GRAMD1A: variants seen among roughly 807,000 people sequenced by gnomAD.
GRAMD1A encodes the protein GRAM domain containing 1A.
In GRAMD1A, 50 loss-of-function variants were observed where a neutral mutation model predicts 92.0. The observed-to-expected ratio is 0.54, with a 90% CI of 0.43 to 0.69. GRAMD1A has a LOEUF of 0.69. Among genes scored for constraint, GRAMD1A ranks in the 30% least tolerant of loss-of-function variants. The probability of loss-of-function intolerance (pLI) is 0.00; values close to 1 mark genes in which losing one functional copy is unlikely to be tolerated. For synonymous variants in GRAMD1A, 405 were observed against 403.6 expected (o/e 1.00, Z -0.04); for missense variants, 819 against 978.9 (o/e 0.84, Z 2.18).
chr19:35,023,522 G>C lies in GRAMD1A; in HGVS notation c.2057G>C (p.Arg686Pro). 6.3e-7 allele frequency: 1 copy of C among 1,579,554 alleles called. No homozygotes were observed. The highest frequency in any genetic ancestry group is 8.6e-7 in the Non-Finnish European group (1 of 1,166,056). The change falls in exon 19 of 20, where the codon CGG becomes CCG. Residue 686 changes from arginine to proline, a missense_variant. This residue lies in a region of GRAMD1A where 577 missense variants were observed against 674.6 expected (regional missense o/e 0.86). Coordinates refer to ENST00000317991, the MANE Select transcript of GRAMD1A (RefSeq NM_020895.5). ...GTGCACAAGTGGAGGCAGATCCTGC[G>C]GGCCTCCGTGGAGCTCCTGGATGAG... ...VEVHKWRQIL[R>P]ASVELLDEMK...
In GRAMD1A at chr19:35,023,421, C is replaced by G. The variant is rs756778544; in HGVS notation, c.1962-6C>G. 6.3e-7 allele frequency: 1 copy of G among 1,595,332 alleles called. No homozygotes were observed. The highest frequency in any genetic ancestry group is 1.1e-5 in the South Asian group (1 of 89,888). Reference sequence around the variant, plus strand: ...AAGGCCCTGCTCAGGCCTGGCATCCCCACAGCAAGTTCCCCCAGACGGCCA... The same window carrying G: ...AAGGCCCTGCTCAGGCCTGGCATCCGCACAGCAAGTTCCCCCAGACGGCCA... On this transcript the variant is annotated splice_polypyrimidine_tract_variant and splice_region_variant and intron_variant, in intron 18 of 19. Transcript: ENST00000317991.
intron 6 of GRAMD1A, chr19:35,010,711 G>A (rs1013657837): frequency 3.7e-6 from 2 of 538,018 alleles, no homozygotes; most frequent in Non-Finnish European, 6.5e-6. Flanking sequence ...ATGTCCGTTG[G>A]TTGCAAGATG....
chr19:35,016,119 A>G, intron 11 of GRAMD1A, 152 bp downstream of exon 11: 2 of 776,342 alleles, frequency 2.6e-6, no homozygotes, highest in Non-Finnish European at 4.1e-6. Flanking sequence ...CAGCTCTGCC[A>G]CTTACTAGCT....
rs915593546 is a variant in GRAMD1A, at chr19:35,014,396, G to A, written c.1069+9G>A. 7 of 1,612,704 alleles carry A rather than the reference G, an allele frequency of 4.3e-6. No homozygotes were observed. The highest frequency in any genetic ancestry group is 5.9e-6 in the Non-Finnish European group (7 of 1,178,880). On this transcript the variant is annotated intron_variant, in intron 10 of 19. Transcript: ENST00000317991. The stretch of plus-strand genomic sequence containing the variant: ...ATCCACTGGGGAGGAAGGTGAGGCA[G>A]GCGGGCCCAATTCATTCGCCTCCGG...
At chr19:34,995,570 G>GTTTTTTTTTTTTT (rs1173583059), upstream of GRAMD1A, among the ~76,000 whole-genome samples, 30 of 80,982 alleles carry the variant, frequency 3.7e-4, 7 homozygotes, top group Middle Eastern at 0.016. Flanking sequence ...TCAGATCACG[G>GTTTTTTTTTTTTT]GTTTTTTTTT....
In GRAMD1A at chr19:35,022,583, G is replaced by A. The variant is rs959495207; in HGVS notation, c.1842-317G>A. ...GCCAGAGGGGGCAGTCAGGATGGGC[G>A]TCCTGAGAGAGTGGAGACCGCGTAG... On this transcript the variant is annotated intron_variant, in intron 16 of 19. Transcript: ENST00000317991. Among the ~76,000 whole-genome samples the A allele has an allele frequency of 1.9e-4, 20 of 104,224 alleles. No individual in the cohort carries two copies. In the East Asian group the frequency reaches 3.2e-3, roughly 17 times the overall value. The allele number at this position is 104,224 out of a possible 152,430, so 68.4% of individuals were successfully genotyped here. A position where few individuals can be genotyped will look rare whatever the true frequency, so the allele number is the denominator to read the frequency against.
rs1169351041 is a variant in GRAMD1A at position 35,011,505 on chromosome 19, G to A, written c.557G>A (p.Arg186His). The A allele has an allele frequency of 1.9e-6, 3 of 1,611,250 alleles. No homozygotes were observed. The highest frequency in any genetic ancestry group is 1.1e-5 in the South Asian group (1 of 91,072). Reference sequence around the variant, plus strand: ...TTCACTTCCTTTGGGGCCCGTGACCGCTGCTTCCTCCTCATCTTCCGCCTC... The same window carrying A: ...TTCACTTCCTTTGGGGCCCGTGACCACTGCTTCCTCCTCATCTTCCGCCTC... The part of the protein sequence containing the change: ...HFFTSFGARD[R>H]CFLLIFRLWQ... Residue 186 changes from arginine to histidine, a missense_variant, in exon 7 of 20, where the codon CGC (arginine) becomes CAC (histidine). By Grantham distance (29) the Arg-to-His change is conservative. This residue lies in a region of GRAMD1A where 144 missense variants were observed against 220.3 expected (regional missense o/e 0.65). Coordinates refer to ENST00000317991, the MANE Select transcript of GRAMD1A (RefSeq NM_020895.5).
chr19:35,018,963 C>G (rs918458067), intron 11 of GRAMD1A, among the ~76,000 whole-genome samples: 2 of 151,884 alleles, frequency 1.3e-5, no homozygotes, highest in Admixed American at 1.3e-4. Flanking sequence ...ATGCTCAGGG[C>G]AGAAGCCAAG....
Position 35,019,212 on chromosome 19 carries a change from G to T in GRAMD1A, c.1235G>T (p.Ser412Ile). Residue 412 changes from serine (S) to isoleucine (I), a missense_variant, in exon 12 of 20, where the codon AGT becomes ATT. Coordinates refer to ENST00000317991, the MANE Select transcript of GRAMD1A (RefSeq NM_020895.5). The part of the protein sequence containing the change: ...KFTDVTLSPW[S>I]GDSKCHQRRV... ...CTAGACGTGACGCTGAGCCCCTGGA[G>T]TGGGGACAGCAAGTGCCACCAGCGC... 6.2e-7 allele frequency: 1 copy of T among 1,611,974 alleles called. No homozygotes were observed. Among genetic ancestry groups the T allele is most frequent in the Non-Finnish European group, 8.5e-7 (1 of 1,178,354 alleles).
chr19:35,020,494 G>T (rs1406597712), intron 13 of GRAMD1A, among the ~76,000 whole-genome samples: 1 of 151,714 alleles, frequency 6.6e-6, no homozygotes, highest in Non-Finnish European at 1.5e-5. Context: ...GCCGAGATCG[G>T]GCCACTGCAC....
intron 1 of GRAMD1A, among the ~76,000 whole-genome samples, chr19:35,006,694 T>C (rs2014843327): frequency 6.6e-6 from 1 of 152,208 alleles, no homozygotes; most frequent in African/African-American, 2.4e-5. Context: ...AGATTATTCA[T>C]TTAGCCTCTG....
Position 35,022,126 on chromosome 19 carries a change from C to T in GRAMD1A, c.1841+88C>T, listed in dbSNP as rs946865317. Reference sequence around the variant, plus strand: ...TGGGCAAGTGTGTGGCCTCTTTGAGCTCTCTGCTTAAGTGGGAGCGTGGGT... The same window carrying T: ...TGGGCAAGTGTGTGGCCTCTTTGAGTTCTCTGCTTAAGTGGGAGCGTGGGT... On this transcript the variant is annotated intron_variant, in intron 16 of 19. Coordinates refer to ENST00000317991, the MANE Select transcript of GRAMD1A (RefSeq NM_020895.5). 20 of 901,648 alleles carry T rather than the reference C, an allele frequency of 2.2e-5. No homozygotes were observed. In the Admixed American group the frequency reaches 3.7e-4, roughly 16 times the overall value. The allele number at this position is 901,648 out of a possible 1,614,324, so 55.9% of individuals were successfully genotyped here.
At chr19:35,026,000 C>G (rs763415112) in intron 19 of GRAMD1A, 49 bp from the exon 20 acceptor site, 5 of 935,878 alleles carry the variant, frequency 5.3e-6, no homozygotes, top group Non-Finnish European at 8.9e-6. Context: ...CGACATCACC[C>G]CCCAGCCTCC....
chr19:35,005,969 G>A (rs1458102063), intron 1 of GRAMD1A: 2 of 456,216 alleles, frequency 4.4e-6, no homozygotes, highest in Admixed American at 4.7e-5. Context: ...AGGTGGTGGA[G>A]GGAATCCCAC....
At position 35,021,582 on chromosome 19, in the gene GRAMD1A, T is replaced by C. The variant is rs1391711904; in HGVS notation, c.1556T>C (p.Ile519Thr). Residue 519 changes from isoleucine to threonine, a missense_variant, in exon 14 of 20, where the codon ATT becomes ACT. Ile to Thr is a moderately conservative substitution (Grantham distance 89, BLOSUM62 -1). Transcript: ENST00000317991. This position sits in a 1 kb window ranked among gnomAD's most constrained non-coding sequence, Gnocchi z 5.3. Reference protein sequence around the residue: ...SLIEKNSWSGIEDYFHHLERE... With the variant: ...SLIEKNSWSGTEDYFHHLERE... Reference sequence around the variant, plus strand: ...ATTGAGAAGAACTCGTGGAGCGGCATTGAAGACTATTTCCACCATCTGGGT... The same window carrying C: ...ATTGAGAAGAACTCGTGGAGCGGCACTGAAGACTATTTCCACCATCTGGGT... 1.2e-6 allele frequency: 2 copies of C among 1,614,094 alleles called. No homozygotes were observed. The highest frequency in any genetic ancestry group is 1.1e-5 in the South Asian group (1 of 91,088).
intron 1 of GRAMD1A, among the ~76,000 whole-genome samples, chr19:35,007,768 G>A (rs2014933934): frequency 6.6e-6 from 1 of 152,148 alleles, no homozygotes. Flanking sequence ...AGCTACCCGG[G>A]AGGCTGAGGC....
chr19:35,007,942 A>G (rs897849730), intron 1 of GRAMD1A, among the ~76,000 whole-genome samples: 7 of 152,228 alleles, frequency 4.6e-5, no homozygotes, highest in Non-Finnish European at 1.0e-4. Flanking sequence ...AAAGAAATTA[A>G]GAAAGATGCT....
rs2290642 is a variant in GRAMD1A at position 35,010,147 on chromosome 19, T to C, written c.381T>C (p.Ser127=). ...EILLQGRLYL[S]ENWICFYSNI... The stretch of plus-strand genomic sequence containing the variant: ...TGCTCCAGGGCCGCCTCTACCTCTC[T>C]GAGAACTGGATCTGCTTCTACAGCA... The change falls in exon 5 of 20, where the codon TCT becomes TCC. Residue 127 remains serine, a synonymous_variant. Transcript: ENST00000317991. The C allele has an allele frequency of 0.1, 167,295 of 1,612,670 alleles. 9,481 individuals carry two copies. The highest frequency in any genetic ancestry group is 0.2 in the African/African-American group (14,677 of 74,954).
At chr19:35,024,770 G>A (rs990330219) in intron 19 of GRAMD1A, 6 of 152,180 alleles carry the variant, frequency 3.9e-5, no homozygotes, top group Admixed American at 6.5e-5. Flanking sequence ...AGGGTAGGCA[G>A]GGCCCCCCAT....
Sources: gnomAD v4.1 joint callset for allele counts (sites outside exome capture counted in the v4.1 genomes callset) on GRCh38, gnomAD v4.1.1 for gene constraint, gnomAD v4.1.1 regional missense constraint, Gnocchi (gnomAD v3.1) non-coding constraint, MANE v1.5 for transcripts, NCBI Gene and HGNC (gene_info 2026-07-23, HGNC 2026-07-21) for gene names.